The following GDAP1 variants were observed in gnomAD, a reference collection of about 807,000 sequenced individuals.
GDAP1 encodes the protein ganglioside-induced differentiation-associated protein 1.
A neutral mutation model predicts 40.1 loss-of-function variants in GDAP1; 34 were observed. The ratio of observed to expected loss-of-function variants is 0.85; its 90% CI spans 0.64 to 1.13. GDAP1 has a LOEUF of 1.13. Among genes scored for constraint, GDAP1 ranks in the 50% most tolerant of loss-of-function variants. The pLI, the probability that GDAP1 is intolerant of heterozygous loss-of-function variation, is 0.00. For synonymous variants in GDAP1, 170 were observed against 157.4 expected (o/e 1.08, Z -0.60); for missense variants, 374 against 433.7 (o/e 0.86, Z 1.22).
chr8:74,376,422 G>A (rs1358437530), intron 2 of GDAP1, among the ~76,000 whole-genome samples: 1 of 146,144 alleles, frequency 6.8e-6, no homozygotes, highest in Admixed American at 7.3e-5. Context: ...GATCTTGGCT[G>A]ACTGCAAGCT....
intron 2 of GDAP1, among the ~76,000 whole-genome samples, chr8:74,437,781 T>A: frequency 6.6e-6 from 1 of 152,344 alleles, no homozygotes. Context: ...ATTTTAGAGA[T>A]TTAAGCACAT....
intron 2 of GDAP1, among the ~76,000 whole-genome samples, chr8:74,402,864 T>C (rs1810371975): frequency 2.0e-5 from 3 of 150,356 alleles, no homozygotes; most frequent in Non-Finnish European, 4.4e-5. Flanking sequence ...AAGATATATC[T>C]GAACAGATAT....
intron 2 of GDAP1, among the ~76,000 whole-genome samples, chr8:74,413,871 G>C (rs1586827206): frequency 6.7e-6 from 1 of 149,766 alleles, no homozygotes; most frequent in Non-Finnish European, 1.5e-5. Flanking sequence ...GAACAGGAAA[G>C]TACTGGAGCA....
intron 2 of GDAP1, among the ~76,000 whole-genome samples, chr8:74,457,396 T>C (rs1806349359): frequency 6.6e-6 from 1 of 152,072 alleles, no homozygotes; most frequent in Non-Finnish European, 1.5e-5. Flanking sequence ...GGGACACTTA[T>C]TCAACAACAA....
intron 2 of GDAP1, among the ~76,000 whole-genome samples, chr8:74,354,347 A>G (rs1199041323): frequency 6.6e-6 from 1 of 152,202 alleles, no homozygotes; most frequent in Non-Finnish European, 1.5e-5. Flanking sequence ...ATTAAAATGA[A>G]TAAATTATTG....
chr8:74,405,886 G>A (rs1805631032), intron 2 of GDAP1, among the ~76,000 whole-genome samples: 1 of 149,818 alleles, frequency 6.7e-6, no homozygotes, highest in African/African-American at 2.6e-5. Flanking sequence ...ATGACATCGA[G>A]ACCATGAAGG....
intron 2 of GDAP1, among the ~76,000 whole-genome samples, chr8:74,483,215 T>C (rs1201761638): frequency 6.6e-6 from 1 of 152,126 alleles, no homozygotes; most frequent in Admixed American, 6.6e-5. Context: ...CCTTGAGGAA[T>C]AGAAAGAGTT....
At chr8:74,352,278 C>T (rs1808912238) in intron 2 of GDAP1, among the ~76,000 whole-genome samples, 2 of 152,142 alleles carry the variant, frequency 1.3e-5, no homozygotes, top group Non-Finnish European at 2.9e-5. Context: ...AAAGAGTTAC[C>T]AAAGACTACA....
At chr8:74,398,865 A>G (rs1810261211) in intron 2 of GDAP1, among the ~76,000 whole-genome samples, 1 of 151,984 alleles carries the variant, frequency 6.6e-6, no homozygotes, top group South Asian at 2.1e-4. Context: ...TGATTTGCGT[A>G]TATTGAACCA....
chr8:74,432,830 T>C (rs1296492345), intron 2 of GDAP1, among the ~76,000 whole-genome samples: 2 of 152,242 alleles, frequency 1.3e-5, no homozygotes, highest in African/African-American at 4.8e-5. Context: ...GATATGTTGG[T>C]ATCAATATTA....
intron 2 of GDAP1, among the ~76,000 whole-genome samples, chr8:74,437,866 C>G (rs1242495314): frequency 6.6e-6 from 1 of 152,156 alleles, no homozygotes; most frequent in African/African-American, 2.4e-5. Flanking sequence ...TGCTAATGGA[C>G]ATATAGACTG....
rs2131503130 is a variant in GDAP1, at chr8:74,355,445, C to T, written c.310+3979C>T. On this transcript the variant is annotated intron_variant, in intron 2 of 5. Coordinates refer to ENST00000220822, the MANE Select transcript of GDAP1 (RefSeq NM_018972.4). Reference sequence around the variant, plus strand: ...TCCTTAACATATATACTTGCTATTACTGTACAGTTTTATAGACTCTTTCAT... The same window carrying T: ...TCCTTAACATATATACTTGCTATTATTGTACAGTTTTATAGACTCTTTCAT... Among the ~76,000 whole-genome samples, 3 of 152,306 alleles carry T rather than the reference C, an allele frequency of 2.0e-5. No individual in the cohort carries two copies. In the South Asian group the frequency reaches 6.2e-4, roughly 32 times the overall value.
At chr8:74,373,968 G>C (rs144060282) in intron 2 of GDAP1, among the ~76,000 whole-genome samples, 19,853 of 152,150 alleles carry the variant, frequency 0.13, 1,701 homozygotes, top group East Asian at 0.28. Flanking sequence ...TAGCATGAAG[G>C]GTTGTTGAAT....
At chr8:74,403,886 C>T (rs1249374249) in intron 2 of GDAP1, among the ~76,000 whole-genome samples, 2 of 150,132 alleles carry the variant, frequency 1.3e-5, no homozygotes, top group East Asian at 1.9e-4. Flanking sequence ...CTTTGACAGT[C>T]TATATCTGCA....
intron 2 of GDAP1, among the ~76,000 whole-genome samples, chr8:74,439,797 A>T (rs939369410): frequency 6.6e-6 from 1 of 152,004 alleles, no homozygotes; most frequent in South Asian, 2.1e-4. Flanking sequence ...TTGCATTAAA[A>T]CTGTTGTAAT....
intron 2 of GDAP1, among the ~76,000 whole-genome samples, chr8:74,395,351 G>A (rs1810178158): frequency 6.6e-6 from 1 of 152,150 alleles, no homozygotes; most frequent in African/African-American, 2.4e-5. Context: ...TGTGTCAGAG[G>A]TGGATATTAA....
intron 2 of GDAP1, among the ~76,000 whole-genome samples, chr8:74,427,444 C>T (rs778357750): frequency 1.1e-4 from 17 of 152,142 alleles, no homozygotes; most frequent in Admixed American, 3.3e-4. Context: ...CCTATAAAAG[C>T]TTATGACACA....
intron 2 of GDAP1, among the ~76,000 whole-genome samples, chr8:74,457,315 A>C (rs947937027): frequency 1.1e-4 from 17 of 152,204 alleles, no homozygotes; most frequent in African/African-American, 4.1e-4. Flanking sequence ...TAATCTTGTG[A>C]GCAATGAATG....
intron 2 of GDAP1, among the ~76,000 whole-genome samples, chr8:74,445,449 G>C (rs1027973376): frequency 6.6e-6 from 1 of 152,130 alleles, no homozygotes; most frequent in Non-Finnish European, 1.5e-5. Context: ...TGCAAATTGT[G>C]TAATTCTATT....
Sources: gnomAD v4.1 joint callset for allele counts (sites outside exome capture counted in the v4.1 genomes callset) on GRCh38, gnomAD v4.1.1 for gene constraint, MANE v1.5 for transcripts, NCBI Gene and HGNC (gene_info 2026-07-23, HGNC 2026-07-21) for gene names.